TP63: variants seen among roughly 807,000 people sequenced by gnomAD.
TP63 encodes the protein tumor protein 63.
Under a neutral mutation model 82.8 loss-of-function variants are expected in TP63, and 17 were observed. That is an observed-to-expected ratio of 0.21 (90% CI 0.14 to 0.31). The LOEUF is 0.31. Among genes scored for constraint, TP63 ranks in the 10% least tolerant of loss-of-function variants. The pLI, the probability that TP63 is intolerant of heterozygous loss-of-function variation, is 1.00. For missense variants in TP63, 648 were observed against 895.3 expected, an observed-to-expected ratio of 0.72 and a Z score of 3.52; for synonymous variants, 330 against 321.7, an observed-to-expected ratio of 1.03 and a Z score of -0.28.
intron 1 of TP63, among the ~76,000 whole-genome samples, chr3:189,737,287 A>G (rs1720663749): frequency 6.6e-6 from 1 of 152,130 alleles, no homozygotes; most frequent in Non-Finnish European, 1.5e-5. Context: ...AAATTTTCTG[A>G]GTTCATTTCT....
At chr3:189,772,792 A>T (rs949561385) in intron 3 of TP63, among the ~76,000 whole-genome samples, 2 of 152,218 alleles carry the variant, frequency 1.3e-5, no homozygotes, top group South Asian at 2.1e-4. Context: ...CAGGGGATCA[A>T]ATCCCCCCTT....
At chr3:189,772,744 TTA>T (rs1723471440) in intron 3 of TP63, among the ~76,000 whole-genome samples, 1 of 152,188 alleles carries the variant, frequency 6.6e-6, no homozygotes, top group African/African-American at 2.4e-5. Context: ...GTGTAATGAA[TTA>T]GTCTTGCACG....
intron 3 of TP63, among the ~76,000 whole-genome samples, chr3:189,743,113 A>G (rs1484136675): frequency 6.6e-6 from 1 of 152,172 alleles, no homozygotes; most frequent in Non-Finnish European, 1.5e-5. Flanking sequence ...ACCCCAATAA[A>G]CTAAATATTC....
At chr3:189,718,561 CT>C (rs969234462) in intron 1 of TP63, among the ~76,000 whole-genome samples, 6 of 150,886 alleles carry the variant, frequency 4.0e-5, no homozygotes, top group African/African-American at 1.5e-4. Flanking sequence ...GATCCCTCCC[CT>C]GACATGTGAG....
the TP63 span, among the ~76,000 whole-genome samples, chr3:189,620,247 G>C: frequency 0.013 from 1,830 of 145,966 alleles, 39 homozygotes; most frequent in African/African-American, 0.044. Flanking sequence ...AGTGTGTGCC[G>C]GGCGTGGTGG....
At chr3:189,763,110 A>C (rs1722700757) in intron 3 of TP63, among the ~76,000 whole-genome samples, 1 of 152,150 alleles carries the variant, frequency 6.6e-6, no homozygotes, top group Non-Finnish European at 1.5e-5. Context: ...TGTCTCTATA[A>C]ACAAAATTTA....
At chr3:189,822,251 C>T (rs1256063731) in intron 4 of TP63, among the ~76,000 whole-genome samples, 1 of 152,122 alleles carries the variant, frequency 6.6e-6, no homozygotes, top group Non-Finnish European at 1.5e-5. Context: ...CTAAACCTAC[C>T]TTATTCATAG....
intron 4 of TP63, among the ~76,000 whole-genome samples, chr3:189,840,134 T>A (rs1713766158): frequency 6.6e-6 from 1 of 152,240 alleles, no homozygotes; most frequent in Admixed American, 6.5e-5. Context: ...TCTTATTTTT[T>A]ACATCTGTCA....
At chr3:189,635,171 G>A (rs892302124) in intron 1 of TP63, among the ~76,000 whole-genome samples, 1 of 152,010 alleles carries the variant, frequency 6.6e-6, no homozygotes, top group Non-Finnish European at 1.5e-5. Context: ...TTCCAAAGAA[G>A]CATCGAACTA....
At chr3:189,882,705 C>T (rs1321598898) in intron 10 of TP63, among the ~76,000 whole-genome samples, 2 of 152,046 alleles carry the variant, frequency 1.3e-5, no homozygotes, top group African/African-American at 2.4e-5. Context: ...CTTGTGTCTG[C>T]GCAGGAATTT....
intron 1 of TP63, among the ~76,000 whole-genome samples, chr3:189,700,774 C>G (rs1717743515): frequency 6.6e-6 from 1 of 152,108 alleles, no homozygotes; most frequent in African/African-American, 2.4e-5. Context: ...CACTGACTTC[C>G]CCACTTCTGA....
chr3:189,765,432 G>GTTTTTTTTTTTTTTTT (rs1560167431), intron 3 of TP63, among the ~76,000 whole-genome samples: 17 of 6,170 alleles, frequency 2.8e-3, no homozygotes, highest in South Asian at 7.5e-3. Context: ...CCTGTCCTCT[G>GTTTTTTTTTTTTTTTT]CTTTTTTTTT....
At chr3:189,620,533 C>G in the TP63 span, among the ~76,000 whole-genome samples, 3 of 148,756 alleles carry the variant, frequency 2.0e-5, no homozygotes, top group Non-Finnish European at 3.0e-5. Flanking sequence ...AAAAAAACCT[C>G]TCTCTGACAG....
intron 4 of TP63, among the ~76,000 whole-genome samples, chr3:189,822,255 T>C (rs143544936): frequency 6.4e-4 from 98 of 152,360 alleles, no homozygotes; most frequent in African/African-American, 2.1e-3. Flanking sequence ...ACCTACCTTA[T>C]TCATAGATTT....
upstream of TP63, among the ~76,000 whole-genome samples, chr3:189,628,161 A>G (rs1729361470): frequency 6.6e-6 from 1 of 152,130 alleles, no homozygotes; most frequent in Admixed American, 6.6e-5. Context: ...AAGTGCAGAT[A>G]TAATTATGTA....
chr3:189,751,469 T>G (rs1721817582), intron 3 of TP63, among the ~76,000 whole-genome samples: 1 of 152,210 alleles, frequency 6.6e-6, no homozygotes, highest in Non-Finnish European at 1.5e-5. Context: ...CTCCACATCC[T>G]CTCCAGCATC....
At chr3:189,651,759 G>A (rs1008338354) in intron 1 of TP63, among the ~76,000 whole-genome samples, 12 of 146,520 alleles carry the variant, frequency 8.2e-5, no homozygotes, top group African/African-American at 3.1e-4. Context: ...GGTTTCCTGG[G>A]CTGAGTCCAG....
chr3:189,747,468 T>C (rs1721467278), intron 3 of TP63, among the ~76,000 whole-genome samples: 1 of 151,998 alleles, frequency 6.6e-6, no homozygotes, highest in Non-Finnish European at 1.5e-5. Flanking sequence ...TGTACAGATA[T>C]ATGCAAATAA....
At chr3:189,675,071 A>G (rs766115442) in intron 1 of TP63, among the ~76,000 whole-genome samples, 6 of 152,268 alleles carry the variant, frequency 3.9e-5, no homozygotes, top group Non-Finnish European at 7.4e-5. Context: ...CCAAGGCACT[A>G]GCACGTTTGG....
Sources: gnomAD v4.1 joint callset for allele counts (sites outside exome capture counted in the v4.1 genomes callset) on GRCh38, gnomAD v4.1.1 for gene constraint, MANE v1.5 for transcripts, NCBI Gene and HGNC (gene_info 2026-07-23, HGNC 2026-07-21) for gene names.